The following ZFP41 variants were observed in gnomAD, a reference collection of about 807,000 sequenced individuals.
The protein encoded by ZFP41 is zinc finger protein 41 homolog.
Under a neutral mutation model 11.6 loss-of-function variants are expected in ZFP41, and 10 were observed. The ratio of observed to expected loss-of-function variants is 0.86; its 90% CI spans 0.53 to 1.47. The LOEUF is 1.47. ZFP41 is among the 40% of genes most tolerant of loss of function. The probability of loss-of-function intolerance (pLI) is 0.00; values close to 1 mark genes in which losing one functional copy is unlikely to be tolerated. For missense variants in ZFP41, 302 were observed against 264.6 expected (o/e 1.14, Z -0.98); for synonymous variants, 123 against 100.9 (o/e 1.22, Z -1.31).
rs1030102296 is a variant in ZFP41 at position 143,249,694 on chromosome 8, A to T, written c.-150A>T. 3.1e-6 allele frequency: 4 copies of T among 1,297,222 alleles called. No homozygotes were observed. The African/African-American group carries it at 6.0e-5, about 19-fold the overall frequency. The allele number at this position is 1,297,222 out of a possible 1,614,324, so 80.4% of individuals were successfully genotyped here. ...CATGTTCTTGCTTCTCCCCAGCACC[A>T]AGAGGATGGTGGCCCTTGGCCTCCT... On this transcript the variant is annotated 5_prime_UTR_variant, in exon 2 of 3. Transcript: ENST00000330701.
At chr8:143,252,740 T>G in intron 2 of ZFP41, 2 of 636,880 alleles carry the variant, frequency 3.1e-6, no homozygotes, top group East Asian at 1.4e-4. Context: ...AGTCTTCCCG[T>G]GGGGCTCCCC....
intron 2 of ZFP41, among the ~76,000 whole-genome samples, chr8:143,257,173 A>G (rs1814933725): frequency 6.6e-6 from 1 of 152,226 alleles, no homozygotes; most frequent in Non-Finnish European, 1.5e-5. Flanking sequence ...GTCAGGAGGG[A>G]AGCACCCAGT....
intron 2 of ZFP41, among the ~76,000 whole-genome samples, chr8:143,252,283 G>A (rs957875388): frequency 6.6e-6 from 1 of 152,226 alleles, no homozygotes; most frequent in Admixed American, 6.5e-5. Flanking sequence ...CCAGATGGCT[G>A]TAGGGCTCTC....
intron 2 of ZFP41, among the ~76,000 whole-genome samples, chr8:143,255,640 T>A (rs1485800308): frequency 3.3e-5 from 4 of 121,092 alleles, no homozygotes; most frequent in South Asian, 2.9e-4. Context: ...CGCGTGCTGG[T>A]GTTAGTGAGA....
rs1473630900 is a variant in ZFP41 at position 143,257,293 on chromosome 8, A to G, written c.*901-2482A>G. Among the ~76,000 whole-genome samples the G allele has an allele frequency of 3.3e-5, 5 of 152,236 alleles. No individual in the cohort carries two copies. In the East Asian group the frequency reaches 9.6e-4, roughly 29 times the overall value. ...GATCACCTGAGGACAGGAGTTCAAG[A>G]CAAGTCATGGCTAACATGGTGAAAC... On this transcript the variant is annotated intron_variant, in intron 2 of 2. Transcript: ENST00000330701.
chr8:143,250,234 A>T lies in ZFP41; in HGVS notation c.391A>T (p.Thr131Ser), dbSNP rs1400486831. ...GGCCTTCCGGCACAGCTCTGACGTC[A>T]CCAAACACCAGAGGACTCACACGGG... ...GKAFRHSSDV[T>S]KHQRTHTGEK... is the part of the protein sequence containing the mutation. Residue 131 changes from threonine (T) to serine (S), a missense_variant, in exon 2 of 3, where the codon ACC becomes TCC. By Grantham distance (58) the Thr-to-Ser change is moderately conservative. Transcript: ENST00000330701. 1 of 1,613,964 alleles carries T rather than the reference A, an allele frequency of 6.2e-7. No individual in the cohort carries two copies. The highest frequency in any genetic ancestry group is 8.5e-7 in the Non-Finnish European group (1 of 1,180,040).
In ZFP41 at chr8:143,250,544, G is replaced by A. The variant is rs1178632880; in HGVS notation, c.*104G>A. The A allele has an allele frequency of 1.3e-5, 20 of 1,516,424 alleles. No individual in the cohort carries two copies. The highest frequency in any genetic ancestry group is 2.6e-5 in the South Asian group (2 of 76,676). 93.9% of individuals were successfully genotyped at this position (1,516,424 alleles called of 1,614,324 possible). On this transcript the variant is annotated 3_prime_UTR_variant, in exon 2 of 3. Transcript: ENST00000330701. Reference sequence around the variant, plus strand: ...GTCTGATGGGGGCGCAGGGCCGTGCGCACTGTGTTCCGTGCCCTGGGGACC... The same window carrying A: ...GTCTGATGGGGGCGCAGGGCCGTGCACACTGTGTTCCGTGCCCTGGGGACC...
chr8:143,257,035 A>G (rs961909310), intron 2 of ZFP41, among the ~76,000 whole-genome samples: 1 of 152,254 alleles, frequency 6.6e-6, no homozygotes, highest in Non-Finnish European at 1.5e-5. Context: ...AAGATAAGAC[A>G]CTTAAAATTC....
chr8:143,254,429 G>A (rs1814857372), intron 2 of ZFP41, among the ~76,000 whole-genome samples: 1 of 152,162 alleles, frequency 6.6e-6, no homozygotes, highest in Non-Finnish European at 1.5e-5. Flanking sequence ...GAAACCAGGG[G>A]GCGGGACAGG....
At chr8:143,249,664 A>G in intron 1 of ZFP41, 26 bp from the exon 2 acceptor site, 1 of 993,202 alleles carries the variant, frequency 1.0e-6, no homozygotes, top group Non-Finnish European at 1.4e-6. Context: ...CTTTAATCTG[A>G]GGTTCATGTT....
rs1317125885 is a variant in ZFP41 at position 143,250,658 on chromosome 8, C to T, written c.*218C>T. 3 of 732,880 alleles carry T rather than the reference C, an allele frequency of 4.1e-6. No individual in the cohort carries two copies. Among genetic ancestry groups the T allele is most frequent in the Non-Finnish European group, 2.2e-6 (1 of 456,554 alleles). The allele number at this position is 732,880 out of a possible 1,614,324, so 45.4% of individuals were successfully genotyped here. A position where few individuals can be genotyped will look rare whatever the true frequency, so the allele number is the denominator to read the frequency against. ...GAGAGTCTCTCTGATCAAGACACCGCAGTGATGGAGAAGCCACCAGAGGCT... is the reference window on the plus strand; with the variant it reads ...GAGAGTCTCTCTGATCAAGACACCGTAGTGATGGAGAAGCCACCAGAGGCT... On this transcript the variant is annotated 3_prime_UTR_variant, in exon 2 of 3. Transcript: ENST00000330701.
Position 143,250,593 on chromosome 8 carries a change from T to G in ZFP41, c.*153T>G. 3 of 1,245,268 alleles carry G rather than the reference T, an allele frequency of 2.4e-6. No homozygotes were observed. The South Asian group carries it at 4.6e-5, about 19-fold the overall frequency. 77.1% of individuals were successfully genotyped at this position (1,245,268 alleles called of 1,614,324 possible). A position where few individuals can be genotyped will look rare whatever the true frequency, so the allele number is the denominator to read the frequency against. On this transcript the variant is annotated 3_prime_UTR_variant, in exon 2 of 3. Transcript: ENST00000330701. Reference sequence around the variant, plus strand: ...CCCCCGGAAAAGCAGCCCAGTCAGATGTGGGAACGTGCCAGCGAGGGAGAG... The same window carrying G: ...CCCCCGGAAAAGCAGCCCAGTCAGAGGTGGGAACGTGCCAGCGAGGGAGAG...
rs573710376 is a variant in ZFP41, at chr8:143,255,687, A to T, written c.*901-4088A>T. ...CCCACGTGCTGGAGTTAGTGAGATC[A>T]GGGCTCGCCCCGCGTGCTGGTGTTA... On this transcript the variant is annotated intron_variant, in intron 2 of 2. Transcript: ENST00000330701. Among the ~76,000 whole-genome samples, 5 of 132,092 alleles carry T rather than the reference A, an allele frequency of 3.8e-5. No individual in the cohort carries two copies. The South Asian group carries it at 1.1e-3, about 28-fold the overall frequency. 86.7% of individuals were successfully genotyped at this position (132,092 alleles called of 152,430 possible). A position where few individuals can be genotyped will look rare whatever the true frequency, so the allele number is the denominator to read the frequency against.
chr8:143,250,289 G>C lies in ZFP41; in HGVS notation c.446G>C (p.Gly149Ala). 1.9e-6 allele frequency: 3 copies of C among 1,614,090 alleles called. No homozygotes were observed. Among genetic ancestry groups the C allele is most frequent in the Non-Finnish European group, 2.5e-6 (3 of 1,180,026 alleles). Residue 149 changes from glycine (G) to alanine (A), a missense_variant, in exon 2 of 3, where the codon GGG becomes GCG. Coordinates refer to ENST00000330701, the MANE Select transcript of ZFP41 (RefSeq NM_173832.6). ...AAGCCCTTCAAATGCGGGGAGTGCG[G>C]GAAAGCCTTTAACTGCGGCTCCAAT... is the stretch of plus-strand genomic sequence containing the variant. Reference protein sequence around the residue: ...GEKPFKCGECGKAFNCGSNLL... With the variant: ...GEKPFKCGECAKAFNCGSNLL...
At chr8:143,257,922 T>G (rs954213323) in intron 2 of ZFP41, among the ~76,000 whole-genome samples, 1 of 152,212 alleles carries the variant, frequency 6.6e-6, no homozygotes, top group Admixed American at 6.5e-5. Flanking sequence ...TTACCCAGAC[T>G]CGGAGACAGA....
At chr8:143,259,204 GACAC>G (rs1814981468) in intron 2 of ZFP41, among the ~76,000 whole-genome samples, 1 of 152,260 alleles carries the variant, frequency 6.6e-6, no homozygotes, top group Non-Finnish European at 1.5e-5. Context: ...CTACGTGACA[GACAC>G]ACACTGAGCA....
chr8:143,250,001 G>A lies in ZFP41; in HGVS notation c.158G>A (p.Ser53Asn). The A allele has an allele frequency of 6.2e-7, 1 of 1,614,178 alleles. No individual in the cohort carries two copies. Among genetic ancestry groups the A allele is most frequent in the Non-Finnish European group, 8.5e-7 (1 of 1,180,040 alleles). The change falls in exon 2 of 3, where the codon AGT becomes AAT. Residue 53 changes from serine to asparagine, a missense_variant. Transcript: ENST00000330701. ...PRKPRTEPCL[S>N]PEDEEHVFDA... is the part of the protein sequence containing the mutation. ...AAGCCCCGCACAGAGCCCTGCCTGAGTCCTGAAGACGAAGAGCACGTCTTT... is the reference window on the plus strand; with the variant it reads ...AAGCCCCGCACAGAGCCCTGCCTGAATCCTGAAGACGAAGAGCACGTCTTT...
intron 1 of ZFP41, among the ~76,000 whole-genome samples, chr8:143,247,965 A>C (rs1816724252): frequency 6.6e-6 from 1 of 152,072 alleles, no homozygotes. Flanking sequence ...GACTACAGGC[A>C]CGTGCCACCA....
chr8:143,254,696 G>A (rs1476594354), intron 2 of ZFP41, among the ~76,000 whole-genome samples: 4 of 140,838 alleles, frequency 2.8e-5, no homozygotes, highest in Non-Finnish European at 4.5e-5. Flanking sequence ...GCAGTGGCAC[G>A]ATCTCAGCTC....
Sources: gnomAD v4.1 joint callset for allele counts (sites outside exome capture counted in the v4.1 genomes callset) on GRCh38, gnomAD v4.1.1 for gene constraint, MANE v1.5 for transcripts, NCBI Gene and HGNC (gene_info 2026-07-23, HGNC 2026-07-21) for gene names.